Variants in RGS7 observed in about 807,000 individuals in gnomAD.
RGS7 encodes regulator of G protein signaling 7.
In RGS7, 27 loss-of-function variants were observed where a neutral mutation model predicts 81.1. The observed-to-expected ratio is 0.33, with a 90% confidence interval of 0.25 to 0.46. The LOEUF (loss-of-function observed/expected upper bound fraction) is 0.46, where lower values mean the gene tolerates loss of function less well. RGS7 is among the 20% of genes least tolerant of loss of function. The pLI, the probability that RGS7 is intolerant of heterozygous loss-of-function variation, is 1.00. For synonymous variants in RGS7, 208 were observed against 207.7 expected, an observed-to-expected ratio of 1.00 and a Z score of -0.01; for missense variants, 396 against 607.4, an observed-to-expected ratio of 0.65 and a Z score of 3.66.
chr1:241,251,308 C>T (rs2076815181), intron 2 of RGS7, among the ~76,000 whole-genome samples: 1 of 152,058 alleles, frequency 6.6e-6, no homozygotes. Flanking sequence ...AGATGTCTTG[C>T]TTTATTGTTG....
intron 2 of RGS7, among the ~76,000 whole-genome samples, chr1:241,135,154 C>T (rs894642422): frequency 2.0e-5 from 3 of 152,118 alleles, no homozygotes; most frequent in Non-Finnish European, 4.4e-5. Context: ...CGGCCGGGCG[C>T]GGTGGCTCAT....
intron 9 of RGS7, among the ~76,000 whole-genome samples, chr1:240,842,281 C>T (rs1181834152): frequency 1.4e-5 from 2 of 140,072 alleles, no homozygotes; most frequent in African/African-American, 2.6e-5. Context: ...TCACTGCAAC[C>T]CCCGCCTCCC....
Position 240,829,176 on chromosome 1 carries a change from T to TAC in RGS7, c.610-2006_610-2005dup, listed in dbSNP as rs141693613. ...TTGTAGAATATGTATATACTACAGATACACACACACACACTGTACTACAAA... is the reference window on the plus strand; with the variant it reads ...TTGTAGAATATGTATATACTACAGATACACACACACACACACTGTACTACAAA... On this transcript the variant is annotated intron_variant, in intron 9 of 18. Coordinates refer to ENST00000440928, the MANE Select transcript of RGS7 (RefSeq NM_001364886.1). 7.0e-3 allele frequency among the ~76,000 whole-genome samples: 1,056 copies of TAC among 151,748 alleles called. 18 individuals carry two copies. Among genetic ancestry groups the TAC allele is most frequent in the African/African-American group, 0.024 (1,001 of 41,464 alleles).
At chr1:240,789,775 T>A (rs1031666718) in intron 18 of RGS7, among the ~76,000 whole-genome samples, 35 of 152,192 alleles carry the variant, frequency 2.3e-4, no homozygotes, top group African/African-American at 8.2e-4. Flanking sequence ...GCAATTTTAA[T>A]TTCACCCCGG....
intron 2 of RGS7, among the ~76,000 whole-genome samples, chr1:241,257,006 A>G (rs182802655): frequency 0.015 from 2,276 of 151,598 alleles, 56 homozygotes; most frequent in African/African-American, 0.053. Context: ...ATGTGTATAT[A>G]TGTGTGTGTG....
intron 3 of RGS7, chr1:240,998,658 A>T: frequency 8.8e-7 from 1 of 1,141,042 alleles, no homozygotes; most frequent in Non-Finnish European, 1.3e-6. Flanking sequence ...CTTTGCAAAC[A>T]AGCCAGGCCA....
chr1:241,217,175 C>G (rs1454758616), intron 2 of RGS7, among the ~76,000 whole-genome samples: 1 of 152,122 alleles, frequency 6.6e-6, no homozygotes, highest in Admixed American at 6.5e-5. Flanking sequence ...GGAAGAGCCA[C>G]TGAGCTTGCT....
At chr1:240,783,050 C>T (rs1684395466) in intron 18 of RGS7, among the ~76,000 whole-genome samples, 1 of 152,128 alleles carries the variant, frequency 6.6e-6, no homozygotes, top group Non-Finnish European at 1.5e-5. Context: ...TAATCAGTTT[C>T]AGGACAAAAT....
intron 3 of RGS7, among the ~76,000 whole-genome samples, chr1:241,092,819 A>G (rs1310961135): frequency 6.6e-6 from 1 of 151,586 alleles, no homozygotes; most frequent in Non-Finnish European, 1.5e-5. Flanking sequence ...GCAATTTACA[A>G]TATAGCCCCC....
intron 10 of RGS7, among the ~76,000 whole-genome samples, chr1:240,825,923 A>C (rs1371348082): frequency 6.6e-6 from 1 of 152,224 alleles, no homozygotes; most frequent in Non-Finnish European, 1.5e-5. Context: ...GTTGGGGGAA[A>C]CAGGACACCC....
At chr1:241,124,780 C>T (rs1380082727) in intron 2 of RGS7, among the ~76,000 whole-genome samples, 1 of 152,170 alleles carries the variant, frequency 6.6e-6, no homozygotes, top group African/African-American at 2.4e-5. Flanking sequence ...ACATGTGAGA[C>T]ATATCTCGGG....
Position 240,868,548 on chromosome 1 carries a change from A to C in RGS7, c.609+39T>G, listed in dbSNP as rs1416769824. 2.5e-6 allele frequency: 4 copies of C among 1,588,330 alleles called. No individual in the cohort carries two copies. Among genetic ancestry groups the C allele is most frequent in the Non-Finnish European group, 3.5e-6 (4 of 1,156,780 alleles). On this transcript the variant is annotated intron_variant, in intron 9 of 18. Transcript: ENST00000440928. This position sits in a 1 kb window ranked among gnomAD's most constrained non-coding sequence, Gnocchi z 5.1. ...GGCACCCCTCACTTCCCACAGACGG[A>C]GAAGATGGATTCAAGACGAGAGTGC...
intron 2 of RGS7, among the ~76,000 whole-genome samples, chr1:241,248,938 T>G (rs1475085349): frequency 2.6e-5 from 4 of 152,216 alleles, no homozygotes; most frequent in African/African-American, 9.6e-5. Context: ...CTTCGCTCAC[T>G]GGATTTCATA....
intron 6 of RGS7, among the ~76,000 whole-genome samples, chr1:240,930,297 A>C (rs1276775314): frequency 6.8e-6 from 1 of 147,832 alleles, no homozygotes; most frequent in Non-Finnish European, 1.5e-5. Flanking sequence ...AAATCATAGG[A>C]TACTTCACAG....
intron 3 of RGS7, among the ~76,000 whole-genome samples, chr1:241,048,406 C>T (rs1481705574): frequency 6.6e-6 from 1 of 152,044 alleles, no homozygotes; most frequent in Non-Finnish European, 1.5e-5. Context: ...TCATATCTCC[C>T]CCACCCCTAA....
intron 2 of RGS7, among the ~76,000 whole-genome samples, chr1:241,341,680 G>C (rs1273631359): frequency 6.6e-6 from 1 of 152,064 alleles, no homozygotes; most frequent in African/African-American, 2.4e-5. Flanking sequence ...TTGTGTGCCA[G>C]GCCCTGTACT....
At chr1:241,207,942 G>A (rs2147903261) in intron 2 of RGS7, among the ~76,000 whole-genome samples, 1 of 152,232 alleles carries the variant, frequency 6.6e-6, no homozygotes, top group South Asian at 2.1e-4. Flanking sequence ...ATCTCCCTCT[G>A]TCACCCAGGC....
chr1:241,021,600 T>C (rs2059539395), intron 3 of RGS7, among the ~76,000 whole-genome samples: 1 of 152,066 alleles, frequency 6.6e-6, no homozygotes, highest in African/African-American at 2.4e-5. Context: ...ATGTGGACTG[T>C]TTTAAACTCC....
intron 9 of RGS7, among the ~76,000 whole-genome samples, chr1:240,851,850 A>G (rs988161745): frequency 2.0e-5 from 3 of 152,232 alleles, no homozygotes; most frequent in African/African-American, 4.8e-5. Context: ...ATTTGACTGA[A>G]TTGTTGAACC....
Sources: gnomAD v4.1 joint callset for allele counts (sites outside exome capture counted in the v4.1 genomes callset) on GRCh38, gnomAD v4.1.1 for gene constraint, Gnocchi (gnomAD v3.1) non-coding constraint, MANE v1.5 for transcripts, NCBI Gene and HGNC (gene_info 2026-07-23, HGNC 2026-07-21) for gene names.